NEMP2: variants seen among roughly 807,000 people sequenced by gnomAD.
NEMP2 encodes UPF0571 transmembrane protein.
Under a neutral mutation model 54.2 loss-of-function variants are expected in NEMP2, and 53 were observed. The ratio of observed to expected loss-of-function variants is 0.98; its 90% CI spans 0.78 to 1.23. The LOEUF is 1.23. NEMP2 is among the 50% of genes most tolerant of loss of function. The probability of loss-of-function intolerance (pLI) is 0.00; values close to 1 mark genes in which losing one functional copy is unlikely to be tolerated. For missense variants in NEMP2, 455 were observed against 511.3 expected (o/e 0.89, Z 1.06); for synonymous variants, 197 against 190.3 (o/e 1.04, Z -0.29).
the NEMP2 span, among the ~76,000 whole-genome samples, chr2:190,614,481 CA>C: frequency 6.6e-6 from 1 of 152,130 alleles, no homozygotes; most frequent in East Asian, 1.9e-4. This position sits in a 1 kb window ranked among gnomAD's most constrained non-coding sequence, Gnocchi z 5.7. Context: ...CTTTTAAATA[CA>C]AACATGCACA....
chr2:190,525,411 C>T lies in NEMP2; in HGVS notation c.98-33G>A. ...ATGGAAAAGGGAATGCATTTTCTAA[C>T]TGTTTAATTGCCCAGAATCTTTTTT... On this transcript the variant is annotated intron_variant, in intron 1 of 8. Transcript: ENST00000409150. The surrounding 1 kb of genome is among the most constrained non-coding windows in gnomAD (Gnocchi z 5.0). 7.9e-7 allele frequency: 1 copy of T among 1,260,416 alleles called. No individual in the cohort carries two copies. 78.1% of individuals were successfully genotyped at this position (1,260,416 alleles called of 1,614,324 possible). A position where few individuals can be genotyped will look rare whatever the true frequency, so the allele number is the denominator to read the frequency against.
chr2:190,516,811 C>T (rs1425671677), intron 5 of NEMP2, among the ~76,000 whole-genome samples: 1 of 152,128 alleles, frequency 6.6e-6, no homozygotes. Flanking sequence ...GAAGGTGTAG[C>T]CGGGCACGGT....
the NEMP2 span, chr2:190,488,836 C>CT: frequency 5.0e-5 from 76 of 1,513,640 alleles, no homozygotes; most frequent in South Asian, 1.3e-4. This position sits in a 1 kb window ranked among gnomAD's most constrained non-coding sequence, Gnocchi z 6.4. Flanking sequence ...TGGCTTTCTC[C>CT]TTTTTTTTCT....
the NEMP2 span, among the ~76,000 whole-genome samples, chr2:190,458,194 C>T: frequency 1.4e-4 from 21 of 152,174 alleles, no homozygotes; most frequent in African/African-American, 5.1e-4. This position sits in a 1 kb window ranked among gnomAD's most constrained non-coding sequence, Gnocchi z 5.3. Context: ...GAATTGTGGC[C>T]CCTGAAGATT....
At chr2:190,635,595 T>C in the NEMP2 span, among the ~76,000 whole-genome samples, 1 of 152,270 alleles carries the variant, frequency 6.6e-6, no homozygotes, top group African/African-American at 2.4e-5. This position sits in a 1 kb window ranked among gnomAD's most constrained non-coding sequence, Gnocchi z 4.1. Context: ...ATCTATTTCA[T>C]TCATTTTCAG....
rs948279847 is a variant in NEMP2, at chr2:190,519,524, A to ACTTCTTAAAAG, written c.214-352_214-342dup. Among the ~76,000 whole-genome samples, 4 of 152,176 alleles carry ACTTCTTAAAAG rather than the reference A, an allele frequency of 2.6e-5. No individual in the cohort carries two copies. Among genetic ancestry groups the ACTTCTTAAAAG allele is most frequent in the Non-Finnish European group, 5.9e-5 (4 of 68,026 alleles). On this transcript the variant is annotated intron_variant, in intron 2 of 8. Transcript: ENST00000409150. This position sits in a 1 kb window ranked among gnomAD's most constrained non-coding sequence, Gnocchi z 5.4. ...GCATGAGCCACTGCATCCAGCCAAAACTTCTTAAAAGCTTCTTAAAAACAT... is the reference window on the plus strand; with the variant it reads ...GCATGAGCCACTGCATCCAGCCAAAACTTCTTAAAAGCTTCTTAAAAGCTTCTTAAAAACAT...
upstream of NEMP2, among the ~76,000 whole-genome samples, chr2:190,537,034 A>G (rs1027918573): frequency 6.6e-6 from 1 of 152,244 alleles, no homozygotes; most frequent in Non-Finnish European, 1.5e-5. Context: ...ATCAAGAGGT[A>G]AAACAGAACC....
At chr2:190,474,560 T>A in the NEMP2 span, among the ~76,000 whole-genome samples, 2 of 152,090 alleles carry the variant, frequency 1.3e-5, no homozygotes, top group Admixed American at 1.3e-4. Flanking sequence ...GCTCTGAAAT[T>A]GAGGCAATAA....
chr2:190,549,298 A>G, the NEMP2 span, among the ~76,000 whole-genome samples: 2 of 152,238 alleles, frequency 1.3e-5, no homozygotes. Flanking sequence ...GACATTAGGA[A>G]CTATTGATAT....
the NEMP2 span, among the ~76,000 whole-genome samples, chr2:190,481,831 T>C: frequency 6.6e-6 from 1 of 151,952 alleles, no homozygotes; most frequent in Non-Finnish European, 1.5e-5. Flanking sequence ...AGAAGATCCA[T>C]GCTGCTGCTG....
At chr2:190,489,620 A>C in the NEMP2 span, 1 of 668,568 alleles carries the variant, frequency 1.5e-6, no homozygotes, top group Non-Finnish European at 2.5e-6. This position sits in a 1 kb window ranked among gnomAD's most constrained non-coding sequence, Gnocchi z 6.6. Flanking sequence ...GTGTTTTTCC[A>C]TTATGTGGAG....
chr2:190,604,469 G>A, the NEMP2 span, among the ~76,000 whole-genome samples: 29 of 152,100 alleles, frequency 1.9e-4, no homozygotes, highest in South Asian at 6.2e-4. The surrounding 1 kb of genome is among the most constrained non-coding windows in gnomAD (Gnocchi z 4.5). Context: ...CCATCTGCGC[G>A]CTTGAACAAC....
At chr2:190,584,963 G>GAA in the NEMP2 span, among the ~76,000 whole-genome samples, 207 of 142,068 alleles carry the variant, frequency 1.5e-3, 1 homozygote, top group African/African-American at 4.9e-3. This position sits in a 1 kb window ranked among gnomAD's most constrained non-coding sequence, Gnocchi z 4.2. Flanking sequence ...AAGAAAGAAA[G>GAA]AGACATAATG....
At chr2:190,632,186 T>C in the NEMP2 span, among the ~76,000 whole-genome samples, 6 of 152,360 alleles carry the variant, frequency 3.9e-5, no homozygotes, top group Admixed American at 3.9e-4. This position sits in a 1 kb window ranked among gnomAD's most constrained non-coding sequence, Gnocchi z 4.8. Context: ...ACCATTTCAC[T>C]AGTGCTCTCC....
At chr2:190,462,183 T>C in the NEMP2 span, among the ~76,000 whole-genome samples, 3 of 152,180 alleles carry the variant, frequency 2.0e-5, no homozygotes, top group African/African-American at 7.2e-5. The surrounding 1 kb of genome is among the most constrained non-coding windows in gnomAD (Gnocchi z 5.7). Context: ...GATTCCATAT[T>C]GAGTACACAT....
chr2:190,482,399 CTTT>C, the NEMP2 span, among the ~76,000 whole-genome samples: 29 of 141,880 alleles, frequency 2.0e-4, no homozygotes, highest in Non-Finnish European at 2.5e-4. Flanking sequence ...GGAAGCTTTC[CTTT>C]TTTTTTTTTT....
In NEMP2 at chr2:190,518,792, G is replaced by A; in HGVS notation, c.462C>T (p.Leu154=). Residue 154 remains leucine (L), a synonymous_variant, in exon 4 of 9, where the codon CTC becomes CTT. Coordinates refer to ENST00000409150, the MANE Select transcript of NEMP2 (RefSeq NM_001142645.2). ...HVNRNIMDFK[L]FLVFVAGVFL... is the part of the protein sequence containing the mutation. ...AAACTCCTGCCACAAACACAAGGAA[G>A]AGTTTGAAATCCATGACTGGAGTAA... 4 of 1,547,138 alleles carry A rather than the reference G, an allele frequency of 2.6e-6. No homozygotes were observed. The highest frequency in any genetic ancestry group is 3.5e-6 in the Non-Finnish European group (4 of 1,146,058).
chr2:190,612,152 C>CTTTTT, the NEMP2 span, among the ~76,000 whole-genome samples: 2 of 115,788 alleles, frequency 1.7e-5, no homozygotes, highest in Non-Finnish European at 3.4e-5. Flanking sequence ...AAACATCCCT[C>CTTTTT]TTTTTTTTTT....
At position 190,534,545 on chromosome 2, in the gene NEMP2, C is replaced by A. The variant is rs924694311; in HGVS notation, c.97+14G>T. ...GCACGCACGCGCGCGCCGCCGCCGCCGGTCCCGGGTTACCTGATAACGCTG... is the reference window on the plus strand; with the variant it reads ...GCACGCACGCGCGCGCCGCCGCCGCAGGTCCCGGGTTACCTGATAACGCTG... On this transcript the variant is annotated intron_variant, in intron 1 of 8. Coordinates refer to ENST00000409150, the MANE Select transcript of NEMP2 (RefSeq NM_001142645.2). 9 of 1,392,112 alleles carry A rather than the reference C, an allele frequency of 6.5e-6. No homozygotes were observed. In the African/African-American group the frequency reaches 9.1e-5, roughly 14 times the overall value. 86.2% of individuals were successfully genotyped at this position (1,392,112 alleles called of 1,614,324 possible).
Sources: allele counts gnomAD v4.1 joint callset (sites outside exome capture counted in the v4.1 genomes callset), GRCh38; gene constraint gnomAD v4.1.1; non-coding constraint Gnocchi (gnomAD v3.1); transcripts MANE v1.5; gene names NCBI Gene and HGNC (gene_info 2026-07-23, HGNC 2026-07-21).